The following AREL1 variants were observed in gnomAD, a reference collection of about 807,000 sequenced individuals.
AREL1 encodes apoptosis resistant E3 ubiquitin protein ligase 1.
A neutral mutation model predicts 99.0 loss-of-function variants in AREL1; 62 were observed. The ratio of observed to expected loss-of-function variants is 0.63; its 90% CI spans 0.51 to 0.77. The LOEUF is 0.77. Among genes scored for constraint, AREL1 ranks in the 30% least tolerant of loss-of-function variants. AREL1 has a pLI of 0.00. For synonymous variants in AREL1, 380 were observed against 376.5 expected (o/e 1.01, Z -0.11); for missense variants, 879 against 1,027.6 (o/e 0.86, Z 1.98).
At chr14:74,684,729 G>A (rs948204644) in intron 3 of AREL1, 49 bp from the exon 4 acceptor site, 3 of 1,543,314 alleles carry the variant, frequency 1.9e-6, no homozygotes, top group Non-Finnish European at 2.7e-6. Flanking sequence ...ACACATTACA[G>A]CTTTTCATTA....
chr14:74,703,074 A>G (rs1489230994), intron 1 of AREL1, among the ~76,000 whole-genome samples: 1 of 152,172 alleles, frequency 6.6e-6, no homozygotes, highest in African/African-American at 2.4e-5. Flanking sequence ...AGTTACTTCC[A>G]TATTTTCAGG....
At position 74,683,315 on chromosome 14, in the gene AREL1, G is replaced by C; in HGVS notation, c.462C>G (p.Tyr154Ter). The C allele has an allele frequency of 1.2e-6, 2 of 1,612,880 alleles. No homozygotes were observed. Among genetic ancestry groups the C allele is most frequent in the Non-Finnish European group, 1.7e-6 (2 of 1,178,994 alleles). ...LGGLNVAYSP[Y>*]YKIFQPGMVV... is the part of the protein sequence containing the mutation. ...ACCTACCAGGTTGAAAAATTTTGTA[G>C]TAGGGACTATATGCCACATTTAATC... The change falls in exon 5 of 20, where the codon TAC becomes TAG. Residue 154 changes from tyrosine to a stop codon, truncating the protein, a stop_gained. Coordinates refer to ENST00000356357, the MANE Select transcript of AREL1 (RefSeq NM_001039479.2). LOFTEE classifies it high-confidence loss of function.
chr14:74,688,387 C>T (rs1450640192), intron 2 of AREL1, among the ~76,000 whole-genome samples: 1 of 152,096 alleles, frequency 6.6e-6, no homozygotes, highest in East Asian at 1.9e-4. Flanking sequence ...AGCCACAGTC[C>T]AGTTATCATG....
chr14:74,671,706 T>A (rs2089349449), intron 11 of AREL1, among the ~76,000 whole-genome samples: 1 of 152,272 alleles, frequency 6.6e-6, no homozygotes, highest in Non-Finnish European at 1.5e-5. Context: ...CTTTACATCA[T>A]CACTTTGTTG....
chr14:74,669,840 GA>G, intron 14 of AREL1, 66 bp from the exon 15 acceptor site: 1 of 1,599,494 alleles, frequency 6.3e-7, no homozygotes, highest in South Asian at 1.1e-5. Flanking sequence ...TAACTGCTTA[GA>G]ACCACTTATC....
At chr14:74,679,931 C>A (rs188477779) in intron 5 of AREL1, among the ~76,000 whole-genome samples, 1 of 152,084 alleles carries the variant, frequency 6.6e-6, no homozygotes, top group East Asian at 1.9e-4. Flanking sequence ...AATCCCAGCA[C>A]TTTTTGGGGC....
In AREL1 at chr14:74,664,093, G is replaced by A; in HGVS notation, c.2194-19C>T. The A allele has an allele frequency of 6.2e-7, 1 of 1,608,226 alleles. No homozygotes were observed. The highest frequency in any genetic ancestry group is 1.1e-5 in the South Asian group (1 of 90,478). Reference sequence around the variant, plus strand: ...TCATGACCTGGCAGGGAGAGCACAAGGCTGGGATCACACACAGTAAACAAG... The same window carrying A: ...TCATGACCTGGCAGGGAGAGCACAAAGCTGGGATCACACACAGTAAACAAG... On this transcript the variant is annotated intron_variant, in intron 18 of 19. Coordinates refer to ENST00000356357, the MANE Select transcript of AREL1 (RefSeq NM_001039479.2).
chr14:74,684,383 C>T (rs1282022997), intron 4 of AREL1, 71 bp downstream of exon 4: 5 of 1,379,372 alleles, frequency 3.6e-6, no homozygotes, highest in African/African-American at 2.9e-5. Flanking sequence ...CATTCCAGGC[C>T]AGCACCTGGG....
intron 5 of AREL1, among the ~76,000 whole-genome samples, chr14:74,680,930 C>A (rs1010528152): frequency 2.0e-5 from 3 of 152,202 alleles, no homozygotes; most frequent in Non-Finnish European, 1.5e-5. Flanking sequence ...TGCCTGTAAT[C>A]CCAGCACCTT....
chr14:74,662,654 A>G lies in AREL1; in HGVS notation c.*1066T>C. The G allele has an allele frequency of 2.5e-6, 1 of 398,524 alleles. No homozygotes were observed. The highest frequency in any genetic ancestry group is 4.4e-6 in the Non-Finnish European group (1 of 226,058). The allele number at this position is 398,524 out of a possible 1,614,324, so 24.7% of individuals were successfully genotyped here. On this transcript the variant is annotated 3_prime_UTR_variant, in exon 20 of 20. Coordinates refer to ENST00000356357, the MANE Select transcript of AREL1 (RefSeq NM_001039479.2). ...TGTGTAACATATCACCTCCATGTTC[A>G]TCCCTAGTGTCCTGACGCCAAGGAC...
At chr14:74,687,544 G>A (rs2089775172) in intron 2 of AREL1, among the ~76,000 whole-genome samples, 1 of 152,194 alleles carries the variant, frequency 6.6e-6, no homozygotes, top group Non-Finnish European at 1.5e-5. Flanking sequence ...ATAAGATAGA[G>A]GATAAGGGGG....
chr14:74,663,626 G>A lies in AREL1; in HGVS notation c.*94C>T. On this transcript the variant is annotated 3_prime_UTR_variant, in exon 20 of 20. Coordinates refer to ENST00000356357, the MANE Select transcript of AREL1 (RefSeq NM_001039479.2). ...GAGCATGCGGCATCTTCTGGCTGATGGTTATGTGTGTTAGGATCAGTGGTT... is the reference window on the plus strand; with the variant it reads ...GAGCATGCGGCATCTTCTGGCTGATAGTTATGTGTGTTAGGATCAGTGGTT... 7.9e-7 allele frequency: 1 copy of A among 1,265,890 alleles called. No homozygotes were observed. Among genetic ancestry groups the A allele is most frequent in the South Asian group, 1.2e-5 (1 of 83,438 alleles). The allele number at this position is 1,265,890 out of a possible 1,614,324, so 78.4% of individuals were successfully genotyped here. A position where few individuals can be genotyped will look rare whatever the true frequency, so the allele number is the denominator to read the frequency against.
intron 15 of AREL1, among the ~76,000 whole-genome samples, chr14:74,669,124 G>A (rs1241593918): frequency 3.9e-5 from 6 of 152,122 alleles, no homozygotes; most frequent in Non-Finnish European, 8.8e-5. Context: ...TGAACTCCTG[G>A]TCTCAAGCCA....
Position 74,670,059 on chromosome 14 carries a change from A to G in AREL1, c.1676T>C (p.Val559Ala), listed in dbSNP as rs1417248778. 1.9e-6 allele frequency: 3 copies of G among 1,614,042 alleles called. No individual in the cohort carries two copies. The highest frequency in any genetic ancestry group is 2.5e-6 in the Non-Finnish European group (3 of 1,179,928). The change falls in exon 14 of 20, where the codon GTG becomes GCG. Residue 559 changes from valine to alanine, a missense_variant. By Grantham distance (64) the Val-to-Ala change is moderately conservative (BLOSUM62 0). Coordinates refer to ENST00000356357, the MANE Select transcript of AREL1 (RefSeq NM_001039479.2). ...AGAGGACTCATAGAGACACTTGCCC[A>G]CGAGCCGTCCCGCAAACTCATACAT... ...LKMYEFAGRL[V>A]GKCLYESSLG...
At chr14:74,678,453 G>A (rs1056037701) in intron 5 of AREL1, 5 of 210,366 alleles carry the variant, frequency 2.4e-5, no homozygotes, top group East Asian at 1.7e-4. Flanking sequence ...AATCATGATC[G>A]CACCACTGCA....
chr14:74,682,057 T>C (rs1167197308), intron 5 of AREL1, among the ~76,000 whole-genome samples: 2 of 152,216 alleles, frequency 1.3e-5, no homozygotes, highest in African/African-American at 2.4e-5. Flanking sequence ...CTGGTACATG[T>C]AAGGGTATGA....
At chr14:74,688,317 G>A (rs1406907898) in intron 2 of AREL1, among the ~76,000 whole-genome samples, 3 of 152,044 alleles carry the variant, frequency 2.0e-5, no homozygotes, top group East Asian at 1.9e-4. Context: ...GAGCCACCAC[G>A]CCCGGCCCTG....
At chr14:74,676,893 C>T (rs771694838) in intron 5 of AREL1, 141 bp from the exon 6 acceptor site, 27 of 641,076 alleles carry the variant, frequency 4.2e-5, no homozygotes, top group Admixed American at 7.7e-5. Flanking sequence ...GCCTTCCGGG[C>T]TCATGCCATT....
chr14:74,704,682 G>A, intron 1 of AREL1, among the ~76,000 whole-genome samples: 1 of 151,868 alleles, frequency 6.6e-6, no homozygotes, highest in East Asian at 1.9e-4. Context: ...TAAACATTTT[G>A]CAAATATTTT....
Sources: gnomAD v4.1 joint callset for allele counts (sites outside exome capture counted in the v4.1 genomes callset) on GRCh38, gnomAD v4.1.1 for gene constraint, MANE v1.5 for transcripts, NCBI Gene and HGNC (gene_info 2026-07-23, HGNC 2026-07-21) for gene names.